Variants in P2RX3 observed in about 807,000 individuals in gnomAD.
The protein encoded by P2RX3 is purinergic receptor P2X 3, also known as P2X purinoceptor 3.
A neutral mutation model predicts 51.5 loss-of-function variants in P2RX3; 41 were observed. The observed-to-expected ratio is 0.80, with a 90% confidence interval of 0.62 to 1.03. The LOEUF (loss-of-function observed/expected upper bound fraction) is 1.03. P2RX3 is among the 50% of genes least tolerant of loss of function. P2RX3 has a pLI of 0.00. For missense variants in P2RX3, 459 were observed against 522.1 expected, an observed-to-expected ratio of 0.88 and a Z score of 1.18; for synonymous variants, 185 against 191.6, an observed-to-expected ratio of 0.97 and a Z score of 0.29.
Position 57,353,202 on chromosome 11 carries a change from T to C in P2RX3, c.842+2304T>C, listed in dbSNP as rs1856574482. On this transcript the variant is annotated intron_variant, in intron 8 of 11. Coordinates refer to ENST00000263314, the MANE Select transcript of P2RX3 (RefSeq NM_002559.5). ...GTTCAGTGCGGGTCACAGTGCACTTTCTATGATATGGTAAGATGTACGCTG... is the reference window on the plus strand; with the variant it reads ...GTTCAGTGCGGGTCACAGTGCACTTCCTATGATATGGTAAGATGTACGCTG... 2.0e-5 allele frequency among the ~76,000 whole-genome samples: 3 copies of C among 152,262 alleles called. No individual in the cohort carries two copies. In the South Asian group the frequency reaches 6.2e-4, roughly 32 times the overall value.
chr11:57,368,520 C>A, intron 10 of P2RX3, 83 bp downstream of exon 10: 1 of 1,470,490 alleles, frequency 6.8e-7, no homozygotes, highest in Non-Finnish European at 9.5e-7. Flanking sequence ...GTGACGGCGG[C>A]AAAACTCTGC....
In P2RX3 at chr11:57,342,058, T is replaced by C. The variant is rs1444085883; in HGVS notation, c.119+3389T>C. Reference sequence around the variant, plus strand: ...TCCACTCCATCCTCTCAGCCCAGGGTATCACTGTGAGGCACCTTGTCAGCA... The same window carrying C: ...TCCACTCCATCCTCTCAGCCCAGGGCATCACTGTGAGGCACCTTGTCAGCA... On this transcript the variant is annotated intron_variant, in intron 1 of 11. Coordinates refer to ENST00000263314, the MANE Select transcript of P2RX3 (RefSeq NM_002559.5). Among the ~76,000 whole-genome samples, 5 of 151,408 alleles carry C rather than the reference T, an allele frequency of 3.3e-5. No individual in the cohort carries two copies. In the East Asian group the frequency reaches 9.7e-4, roughly 29 times the overall value.
At chr11:57,368,488 A>T in intron 10 of P2RX3, 51 bp downstream of exon 10, 1 of 1,596,280 alleles carries the variant, frequency 6.3e-7, no homozygotes, top group Non-Finnish European at 8.6e-7. Context: ...TGGGGCCCGG[A>T]CTGGTACCAG....
intron 8 of P2RX3, among the ~76,000 whole-genome samples, chr11:57,366,517 C>T (rs766691572): frequency 9.2e-5 from 14 of 152,126 alleles, no homozygotes; most frequent in Non-Finnish European, 1.3e-4. Flanking sequence ...CTGGTGAACT[C>T]AGCACCAGCT....
chr11:57,343,005 TAGTC>T (rs991602598), intron 1 of P2RX3, among the ~76,000 whole-genome samples: 46 of 152,086 alleles, frequency 3.0e-4, no homozygotes, highest in Non-Finnish European at 1.6e-4. Context: ...GAGAAGAAAA[TAGTC>T]AGAGCAGCAG....
chr11:57,342,685 G>A (rs2134407987), intron 1 of P2RX3, among the ~76,000 whole-genome samples: 1 of 152,238 alleles, frequency 6.6e-6, no homozygotes, highest in Admixed American at 6.5e-5. Context: ...AGGGAGGGGA[G>A]GTAACATATG....
At chr11:57,362,981 G>A (rs1298034951) in intron 8 of P2RX3, among the ~76,000 whole-genome samples, 2 of 152,148 alleles carry the variant, frequency 1.3e-5, no homozygotes, top group African/African-American at 4.8e-5. Flanking sequence ...GCTAGGATAA[G>A]GGATGTGTTT....
At chr11:57,336,568 A>G (rs1159868878), upstream of P2RX3, among the ~76,000 whole-genome samples, 3 of 151,848 alleles carry the variant, frequency 2.0e-5, no homozygotes, top group Admixed American at 6.6e-5. Context: ...TTCTACCCCA[A>G]CCTCCTTTTA....
intron 4 of P2RX3, among the ~76,000 whole-genome samples, chr11:57,347,698 G>T (rs1236690286): frequency 6.6e-6 from 1 of 152,168 alleles, no homozygotes; most frequent in African/African-American, 2.4e-5. Context: ...ACAGACAGGG[G>T]TGCTTGAAGT....
At position 57,347,446 on chromosome 11, in the gene P2RX3, G is replaced by C. The variant is rs1451622529; in HGVS notation, c.359G>C (p.Ser120Thr). The change falls in exon 4 of 12, where the codon AGC becomes ACC. Residue 120 changes from serine to threonine, a missense_variant. Physicochemically the swap from Ser to Thr is moderately conservative, Grantham distance 58. Transcript: ENST00000263314. ...SEEKYRCVSD[S>T]QCGPERLPGG... ...GAGAAATACCGCTGTGTATCAGACA[G>C]CCAGTGCGGGCCTGAGCGCTTGCCA... 2 of 1,558,924 alleles carry C rather than the reference G, an allele frequency of 1.3e-6. No individual in the cohort carries two copies. The highest frequency in any genetic ancestry group is 2.7e-5 in the African/African-American group (2 of 73,532).
intron 8 of P2RX3, among the ~76,000 whole-genome samples, chr11:57,358,887 T>TCA (rs950985078): frequency 6.6e-6 from 1 of 152,084 alleles, no homozygotes; most frequent in Admixed American, 6.6e-5. Flanking sequence ...GCACGCACAC[T>TCA]CACACACACA....
rs963791501 is a variant in P2RX3, at chr11:57,371,579, C to A, written c.*1582C>A. 2.0e-5 allele frequency among the ~76,000 whole-genome samples: 3 copies of A among 152,190 alleles called. 1 individual carries two copies. Among genetic ancestry groups the A allele is most frequent in the Non-Finnish European group, 4.4e-5 (3 of 68,028 alleles). On this transcript the variant is annotated 3_prime_UTR_variant, in exon 12 of 12. Transcript: ENST00000263314. Reference sequence around the variant, plus strand: ...GCAAAGGCCTTGCCCAATGACCCCCCGCTCCAGGGGGAGAAGGGGTAAGAC... The same window carrying A: ...GCAAAGGCCTTGCCCAATGACCCCCAGCTCCAGGGGGAGAAGGGGTAAGAC...
Position 57,368,353 on chromosome 11 carries a change from T to C in P2RX3, c.937-19T>C, listed in dbSNP as rs552568997. 1.1e-4 allele frequency: 181 copies of C among 1,613,860 alleles called. 1 individual carries two copies. The highest frequency in any genetic ancestry group is 1.5e-4 in the Non-Finnish European group (179 of 1,179,990). ...CCCATGGGCCCTCTGCCCACTTGCC[T>C]TGGTCTTTGTGCACACAGGCTGGCA... is the stretch of plus-strand genomic sequence containing the variant. On this transcript the variant is annotated intron_variant, in intron 9 of 11. Coordinates refer to ENST00000263314, the MANE Select transcript of P2RX3 (RefSeq NM_002559.5).
intron 8 of P2RX3, among the ~76,000 whole-genome samples, chr11:57,359,598 A>G (rs753536373): frequency 6.6e-6 from 1 of 152,174 alleles, no homozygotes; most frequent in Non-Finnish European, 1.5e-5. Flanking sequence ...TCTGATGCCT[A>G]TGGCATCATT....
At chr11:57,347,572 G>A (rs910154306) in intron 4 of P2RX3, 94 bp downstream of exon 4, 13 of 1,336,440 alleles carry the variant, frequency 9.7e-6, no homozygotes, top group Admixed American at 4.0e-5. Context: ...GAACCAGCCT[G>A]TTCCATGTCA....
rs1180074567 is a variant in P2RX3 at position 57,347,159 on chromosome 11, A to G, written c.299A>G (p.Glu100Gly). ...FVIITKMIVT[E>G]NQMQGFCPES... is the part of the protein sequence containing the mutation. ...ATCATCACCAAGATGATTGTTACTG[A>G]AAATCAGATGCAAGGATTCTGCCCA... Residue 100 changes from glutamate to glycine, a missense_variant, in exon 3 of 12, where the codon GAA (glutamate) becomes GGA (glycine). Physicochemically the swap from Glu to Gly is moderately conservative, Grantham distance 98. Transcript: ENST00000263314. 1 of 1,613,644 alleles carries G rather than the reference A, an allele frequency of 6.2e-7. No individual in the cohort carries two copies. The highest frequency in any genetic ancestry group is 2.2e-5 in the East Asian group (1 of 44,904).
In P2RX3 at chr11:57,347,103, T is replaced by G; in HGVS notation, c.256-13T>G. On this transcript the variant is annotated splice_polypyrimidine_tract_variant and intron_variant, in intron 2 of 11. Coordinates refer to ENST00000263314, the MANE Select transcript of P2RX3 (RefSeq NM_002559.5). ...CTGTTGGATGTTTTTCTCTCCCTTC[T>G]TCTCCTCCCAAGGGCACCTCGGTCT... 1 of 1,612,584 alleles carries G rather than the reference T, an allele frequency of 6.2e-7. No homozygotes were observed. Among genetic ancestry groups the G allele is most frequent in the Non-Finnish European group, 8.5e-7 (1 of 1,179,096 alleles).
chr11:57,367,744 G>A (rs934138526), intron 8 of P2RX3, among the ~76,000 whole-genome samples: 15 of 152,206 alleles, frequency 9.9e-5, no homozygotes, highest in Admixed American at 7.2e-4. Flanking sequence ...TAAATAAAAG[G>A]CAAGTTCTTG....
intron 8 of P2RX3, among the ~76,000 whole-genome samples, chr11:57,366,549 T>C (rs1363458583): frequency 6.6e-6 from 1 of 152,172 alleles, no homozygotes; most frequent in East Asian, 1.9e-4. Context: ...CAGACAAGTC[T>C]CCTTACCCTC....
Sources: gnomAD v4.1 joint callset for allele counts (sites outside exome capture counted in the v4.1 genomes callset) on GRCh38, gnomAD v4.1.1 for gene constraint, MANE v1.5 for transcripts, NCBI Gene and HGNC (gene_info 2026-07-23, HGNC 2026-07-21) for gene names.